Variants in HMCN1 observed in about 807,000 individuals in gnomAD.
The protein encoded by HMCN1 is hemicentin 1.
A neutral mutation model predicts 625.9 loss-of-function variants in HMCN1; 321 were observed. The ratio of observed to expected loss-of-function variants is 0.51; its 90% CI spans 0.47 to 0.56. The LOEUF (loss-of-function observed/expected upper bound fraction) is 0.56. Among genes scored for constraint, HMCN1 ranks in the 20% least tolerant of loss-of-function variants. The pLI is 0.00. For missense variants in HMCN1, 6,588 were observed against 6,887.3 expected (o/e 0.96, Z 1.54); for synonymous variants, 2,425 against 2,417.6 (o/e 1.00, Z -0.09).
At chr1:186,113,184 C>G (rs7555906) in intron 72 of HMCN1, among the ~76,000 whole-genome samples, 96,434 of 152,120 alleles carry the variant, frequency 0.63, 32,809 homozygotes, top group African/African-American at 0.9. Flanking sequence ...TCCAATTGTT[C>G]TTAGCATATC....
chr1:185,797,683 T>TTATACTTTTATGTTCTTTTTATAATGG (rs1553241683), intron 1 of HMCN1, among the ~76,000 whole-genome samples: 10 of 147,746 alleles, frequency 6.8e-5, no homozygotes, highest in African/African-American at 2.4e-4. Context: ...AAGACTTGTT[T>TTATACTTTTATGTTCTTTTTATAATGG]TGGCCGGGCG....
At chr1:185,779,133 A>G (rs1280452591) in intron 1 of HMCN1, among the ~76,000 whole-genome samples, 2 of 152,206 alleles carry the variant, frequency 1.3e-5, no homozygotes, top group African/African-American at 2.4e-5. Context: ...TGTTGGTTGC[A>G]TAAATGTCTT....
intron 1 of HMCN1, among the ~76,000 whole-genome samples, chr1:185,786,465 A>G (rs1159439021): frequency 6.6e-6 from 1 of 152,174 alleles, no homozygotes; most frequent in Non-Finnish European, 1.5e-5. Flanking sequence ...AAGGGAGGCT[A>G]AGCTTTGGAT....
chr1:185,872,590 C>G (rs1663688054), intron 4 of HMCN1, among the ~76,000 whole-genome samples: 1 of 152,006 alleles, frequency 6.6e-6, no homozygotes, highest in Admixed American at 6.6e-5. Flanking sequence ...AACAGAATAT[C>G]ATTTAGAAAA....
intron 40 of HMCN1, among the ~76,000 whole-genome samples, chr1:186,041,646 C>CA (rs1656214847): frequency 6.6e-6 from 1 of 152,094 alleles, no homozygotes; most frequent in African/African-American, 2.4e-5. Context: ...ACAATGCTCA[C>CA]AAAAGGGAAT....
intron 10 of HMCN1, among the ~76,000 whole-genome samples, chr1:185,930,747 C>A (rs925978279): frequency 2.6e-5 from 4 of 151,974 alleles, no homozygotes; most frequent in African/African-American, 9.7e-5. Flanking sequence ...AAGCAATGTT[C>A]TTCTCTTTTA....
intron 97 of HMCN1, among the ~76,000 whole-genome samples, chr1:186,163,392 C>T (rs1651654422): frequency 6.6e-6 from 1 of 152,174 alleles, no homozygotes; most frequent in African/African-American, 2.4e-5. Flanking sequence ...TGCTTCGGCT[C>T]ACGCACGGTG....
Position 185,982,343 on chromosome 1 carries a change from C to T in HMCN1, c.2744C>T (p.Ala915Val). ...QQLTLPCTLL[A>V]GNPIPERRWI... ...CTTACTTTGCCCTGTACTCTGTTAG[C>T]TGGAAATCCCATTCCAGAACGTCGG... The change falls in exon 18 of 107, where the codon GCT becomes GTT. Residue 915 changes from alanine (A) to valine (V), a missense_variant. Physicochemically the swap from Ala to Val is moderately conservative, Grantham distance 64. Around this residue, in one of 3 missense-constraint regions of HMCN1, gnomAD observed 4,628 missense variants for 4,853.1 expected, o/e 0.95. Coordinates refer to ENST00000271588, the MANE Select transcript of HMCN1 (RefSeq NM_031935.3). 27 of 1,613,528 alleles carry T rather than the reference C, an allele frequency of 1.7e-5. No individual in the cohort carries two copies. The highest frequency in any genetic ancestry group is 2.2e-5 in the Non-Finnish European group (26 of 1,179,580).
intron 89 of HMCN1, among the ~76,000 whole-genome samples, chr1:186,138,557 C>T (rs1649766992): frequency 6.6e-6 from 1 of 152,142 alleles, no homozygotes; most frequent in African/African-American, 2.4e-5. Context: ...CTTTTACTAG[C>T]ATGTTTTCCA....
At chr1:185,994,301 A>T (rs1418991220) in intron 23 of HMCN1, among the ~76,000 whole-genome samples, 1 of 152,120 alleles carries the variant, frequency 6.6e-6, no homozygotes, top group Non-Finnish European at 1.5e-5. Context: ...AAAGGAAGAG[A>T]TAGAGGCTCT....
At chr1:185,973,622 A>G (rs1650988522) in intron 15 of HMCN1, among the ~76,000 whole-genome samples, 1 of 151,888 alleles carries the variant, frequency 6.6e-6, no homozygotes. Context: ...ATTTAATACG[A>G]TTTTTGAGTT....
rs368306200 is a variant in HMCN1, at chr1:186,172,032, T to C, written c.15715T>C (p.Cys5239Arg). The change falls in exon 102 of 107, where the codon TGC becomes CGC. Residue 5239 changes from cysteine to arginine, a missense_variant. Physicochemically the swap from Cys to Arg is radical, Grantham distance 180. Around this residue, in one of 3 missense-constraint regions of HMCN1, gnomAD observed 1,954 missense variants for 2,013.1 expected, o/e 0.97. Transcript: ENST00000271588. The stretch of plus-strand genomic sequence containing the variant: ...TGTGAACGAGTGTAGACAAAATGTA[T>C]GCAGACCAGATCAGCACTGTAAGAA... ...MDVNECRQNV[C>R]RPDQHCKNTR... 1.2e-6 allele frequency: 2 copies of C among 1,613,742 alleles called. No homozygotes were observed. Among genetic ancestry groups the C allele is most frequent in the Non-Finnish European group, 1.7e-6 (2 of 1,179,692 alleles).
chr1:185,740,565 G>A (rs1019813701), intron 1 of HMCN1, among the ~76,000 whole-genome samples: 5 of 152,092 alleles, frequency 3.3e-5, no homozygotes, highest in African/African-American at 1.2e-4. Flanking sequence ...TTGGGAGGTA[G>A]GGCCTAGTAG....
intron 36 of HMCN1, among the ~76,000 whole-genome samples, chr1:186,037,334 T>C (rs1354921075): frequency 2.0e-5 from 3 of 152,208 alleles, no homozygotes; most frequent in African/African-American, 4.8e-5. Flanking sequence ...TCTCGGACTT[T>C]ACGAATTCCT....
At chr1:186,002,998 C>T (rs1223238380) in intron 28 of HMCN1, among the ~76,000 whole-genome samples, 1 of 152,102 alleles carries the variant, frequency 6.6e-6, no homozygotes, top group East Asian at 1.9e-4. Context: ...ATGTAATAGC[C>T]TAAGGGCTCA....
chr1:185,769,173 T>C (rs2102141647), intron 1 of HMCN1, among the ~76,000 whole-genome samples: 1 of 152,208 alleles, frequency 6.6e-6, no homozygotes, highest in East Asian at 1.9e-4. Context: ...ATAGGCCAGG[T>C]GCAGTGGCTC....
At chr1:186,090,731 A>G (rs1659794844) in intron 63 of HMCN1, 27 bp from the exon 64 acceptor site, 2 of 1,611,084 alleles carry the variant, frequency 1.2e-6, no homozygotes, top group Non-Finnish European at 1.7e-6. Flanking sequence ...TGTCTTGTTA[A>G]TGAAATTCCT....
Position 186,013,901 on chromosome 1 carries a change from T to C in HMCN1, c.4631-1258T>C, listed in dbSNP as rs1384803677. On this transcript the variant is annotated intron_variant, in intron 30 of 106. Coordinates refer to ENST00000271588, the MANE Select transcript of HMCN1 (RefSeq NM_031935.3). ...GTGAAAAGCAGAGACACATCTTCCA[T>C]AGAGAAGAATTATAAATAAATTATG... Among the ~76,000 whole-genome samples, 5 of 152,016 alleles carry C rather than the reference T, an allele frequency of 3.3e-5. No individual in the cohort carries two copies. In the East Asian group the frequency reaches 9.6e-4, roughly 29 times the overall value.
chr1:186,028,195 G>A (rs181168398), intron 36 of HMCN1, among the ~76,000 whole-genome samples: 1 of 152,140 alleles, frequency 6.6e-6, no homozygotes, highest in African/African-American at 2.4e-5. Flanking sequence ...CACACAATGT[G>A]TCAAGAAGAA....
Sources: gnomAD v4.1 joint callset for allele counts (sites outside exome capture counted in the v4.1 genomes callset) on GRCh38, gnomAD v4.1.1 for gene constraint, gnomAD v4.1.1 regional missense constraint, MANE v1.5 for transcripts, NCBI Gene and HGNC (gene_info 2026-07-23, HGNC 2026-07-21) for gene names.